The following PAG1 variants were observed in gnomAD, a reference collection of about 807,000 sequenced individuals.
PAG1 encodes phosphoprotein membrane anchor with glycosphingolipid microdomains 1, also known as phosphoprotein associated with glycosphingolipid-enriched microdomains 1.
A neutral mutation model predicts 31.7 loss-of-function variants in PAG1; 23 were observed. The observed-to-expected ratio is 0.73, with a 90% confidence interval of 0.52 to 1.03. The LOEUF (loss-of-function observed/expected upper bound fraction) is 1.03. Ranked by LOEUF, PAG1 falls within the 50% of genes least tolerant of loss-of-function variation. PAG1 has a pLI of 0.00. For missense variants in PAG1, 473 were observed against 540.7 expected, an observed-to-expected ratio of 0.87 and a Z score of 1.24; for synonymous variants, 214 against 210.3, an observed-to-expected ratio of 1.02 and a Z score of -0.15.
chr8:80,983,141 C>T (rs1344285872), intron 7 of PAG1, among the ~76,000 whole-genome samples: 2 of 152,186 alleles, frequency 1.3e-5, no homozygotes, highest in African/African-American at 2.4e-5. Context: ...CAGCAGTCCC[C>T]TCCTCTTCCC....
rs376099184 is a variant in PAG1 at position 80,985,319 on chromosome 8, C to T, written c.333G>A (p.Ser111=). 4.2e-5 allele frequency: 68 copies of T among 1,613,934 alleles called. No homozygotes were observed. In the East Asian group the frequency reaches 4.9e-4, roughly 12 times the overall value. The change falls in exon 7 of 9, where the codon TCG becomes TCA. Residue 111 remains serine (S), a synonymous_variant. Coordinates refer to ENST00000220597, the MANE Select transcript of PAG1 (RefSeq NM_018440.4). ...CCTGGGAATCCAGCAGATCCGAGGC[C>T]GATGTCTGGACTTCCTCGTAATGCT... ...CMQHYEEVQT[S]ASDLLDSQDS...
intron 2 of PAG1, among the ~76,000 whole-genome samples, chr8:81,036,086 T>A (rs1808458087): frequency 6.6e-6 from 1 of 152,200 alleles, no homozygotes; most frequent in African/African-American, 2.4e-5. Flanking sequence ...CATTTCTGCT[T>A]CTTAGATTTG....
chr8:81,083,829 G>A (rs930411692), intron 1 of PAG1, among the ~76,000 whole-genome samples: 3 of 150,930 alleles, frequency 2.0e-5, no homozygotes, highest in Admixed American at 6.6e-5. Context: ...GAGGTCAGGA[G>A]TTCAAGATCA....
At chr8:81,082,421 T>C (rs2131021355) in intron 1 of PAG1, among the ~76,000 whole-genome samples, 1 of 152,302 alleles carries the variant, frequency 6.6e-6, no homozygotes, top group Non-Finnish European at 1.5e-5. Context: ...TTTGGCCTAC[T>C]ACACTCAACT....
At chr8:81,105,105 T>C (rs1161252721) in intron 1 of PAG1, among the ~76,000 whole-genome samples, 1 of 152,052 alleles carries the variant, frequency 6.6e-6, no homozygotes, top group Non-Finnish European at 1.5e-5. Flanking sequence ...ACCCTCCTAC[T>C]GGCTCTTCCA....
chr8:80,996,204 G>A (rs539296766), intron 3 of PAG1, among the ~76,000 whole-genome samples: 14 of 152,348 alleles, frequency 9.2e-5, no homozygotes, highest in Admixed American at 3.9e-4. Flanking sequence ...CCCCGTGGTC[G>A]TGGGCAGTGC....
chr8:81,016,237 T>C (rs1563630473), intron 3 of PAG1, among the ~76,000 whole-genome samples: 2 of 152,320 alleles, frequency 1.3e-5, no homozygotes, highest in South Asian at 2.1e-4. Flanking sequence ...CGTTAAGTCA[T>C]GGAGTGGTTT....
chr8:81,079,710 C>CTTATTATTA (rs142749932), intron 1 of PAG1, among the ~76,000 whole-genome samples: 8 of 151,566 alleles, frequency 5.3e-5, no homozygotes, highest in South Asian at 2.1e-4. Context: ...AGAAGAAATA[C>CTTATTATTA]TTATTATTAT....
intron 2 of PAG1, among the ~76,000 whole-genome samples, chr8:81,057,047 A>G (rs958115758): frequency 6.6e-5 from 10 of 152,170 alleles, no homozygotes; most frequent in Admixed American, 4.6e-4. Flanking sequence ...TTAGAATGGC[A>G]ATCATTAAAA....
At chr8:81,069,552 A>T (rs1425794385) in intron 2 of PAG1, among the ~76,000 whole-genome samples, 2 of 152,264 alleles carry the variant, frequency 1.3e-5, no homozygotes, top group Non-Finnish European at 2.9e-5. Context: ...TGATTTTTCC[A>T]CATTTGGTCT....
chr8:81,039,055 G>C (rs552145275), intron 2 of PAG1, among the ~76,000 whole-genome samples: 122 of 152,196 alleles, frequency 8.0e-4, no homozygotes, highest in African/African-American at 2.9e-3. Flanking sequence ...GGTAAAATAT[G>C]GTGTTTAGAA....
intron 1 of PAG1, among the ~76,000 whole-genome samples, chr8:81,086,227 C>T (rs1049808648): frequency 2.0e-5 from 3 of 151,720 alleles, no homozygotes; most frequent in African/African-American, 4.8e-5. Flanking sequence ...GTGATCCGCC[C>T]GCCTCGGCCT....
intron 3 of PAG1, among the ~76,000 whole-genome samples, chr8:81,015,522 T>C (rs1035907604): frequency 2.0e-5 from 3 of 151,974 alleles, no homozygotes; most frequent in Non-Finnish European, 2.9e-5. Context: ...GAATGTATAA[T>C]GTTTAACCTT....
chr8:81,039,321 G>GA (rs2130826569), intron 2 of PAG1: 1 of 152,328 alleles, frequency 6.6e-6, no homozygotes, highest in South Asian at 2.1e-4. Flanking sequence ...ACTAGAGTAG[G>GA]ATGGGCCCCC....
At chr8:81,108,058 A>C (rs1467385424) in intron 1 of PAG1, among the ~76,000 whole-genome samples, 1 of 152,250 alleles carries the variant, frequency 6.6e-6, no homozygotes, top group Non-Finnish European at 1.5e-5. Flanking sequence ...CAGAGATTTA[A>C]AAGTGACACA....
intron 1 of PAG1, among the ~76,000 whole-genome samples, chr8:81,081,414 G>T (rs1337391509): frequency 6.6e-6 from 1 of 151,986 alleles, no homozygotes; most frequent in Admixed American, 6.6e-5. Context: ...TAATAAAGAG[G>T]GATCTCATGT....
intron 2 of PAG1, among the ~76,000 whole-genome samples, chr8:81,050,515 C>T (rs1405090881): frequency 2.0e-5 from 3 of 152,026 alleles, no homozygotes; most frequent in Admixed American, 6.5e-5. Flanking sequence ...AAAGTTACCC[C>T]TTCATAAGTG....
chr8:81,051,529 C>A (rs763131783), intron 2 of PAG1, among the ~76,000 whole-genome samples: 8 of 152,160 alleles, frequency 5.3e-5, no homozygotes, highest in Non-Finnish European at 1.2e-4. Flanking sequence ...AAAAAGACTT[C>A]ATTCCAAAAA....
At chr8:81,015,106 G>A (rs114746657) in intron 3 of PAG1, among the ~76,000 whole-genome samples, 232 of 152,230 alleles carry the variant, frequency 1.5e-3, no homozygotes, top group African/African-American at 5.4e-3. Flanking sequence ...TTTTGATCCA[G>A]TTCACATCAC....
Sources: gnomAD v4.1 joint callset for allele counts (sites outside exome capture counted in the v4.1 genomes callset) on GRCh38, gnomAD v4.1.1 for gene constraint, MANE v1.5 for transcripts, NCBI Gene and HGNC (gene_info 2026-07-23, HGNC 2026-07-21) for gene names.